Variants in PTPRT observed in about 807,000 individuals in gnomAD.
PTPRT encodes receptor-type tyrosine-protein phosphatase T.
PTPRT carries 56 observed loss-of-function variants against 176.8 expected under a neutral mutation model. The ratio of observed to expected loss-of-function variants is 0.32; its 90% CI spans 0.26 to 0.40. PTPRT has a LOEUF of 0.40. Among genes scored for constraint, PTPRT ranks in the 10% least tolerant of loss-of-function variants. The probability of loss-of-function intolerance (pLI) is 1.00; values close to 1 mark genes in which losing one functional copy is unlikely to be tolerated. For missense variants in PTPRT, 1,540 were observed against 1,908.2 expected, an observed-to-expected ratio of 0.81 and a Z score of 3.60; for synonymous variants, 783 against 739.0, an observed-to-expected ratio of 1.06 and a Z score of -0.96.
chr20:42,934,339 C>T (rs992832411), intron 1 of PTPRT, among the ~76,000 whole-genome samples: 3 of 152,172 alleles, frequency 2.0e-5, no homozygotes, highest in Admixed American at 6.5e-5. Context: ...AAATAGTTTT[C>T]AAACAAAGAA....
intron 16 of PTPRT, among the ~76,000 whole-genome samples, chr20:42,182,909 T>TGTGA (rs1990583240): frequency 1.3e-5 from 1 of 75,056 alleles, no homozygotes; most frequent in African/African-American, 9.9e-5. Flanking sequence ...CAAGCAGGGG[T>TGTGA]GTGTGTGTGT....
chr20:42,406,712 T>C (rs552891457), intron 9 of PTPRT, among the ~76,000 whole-genome samples: 1 of 152,228 alleles, frequency 6.6e-6, no homozygotes. Context: ...AGAGATAAAT[T>C]TTACCTATAA....
chr20:42,551,818 T>A (rs2072775981), intron 7 of PTPRT, among the ~76,000 whole-genome samples: 1 of 152,202 alleles, frequency 6.6e-6, no homozygotes, highest in Non-Finnish European at 1.5e-5. Context: ...TATACCCACA[T>A]CCTTGAGTAC....
intron 9 of PTPRT, among the ~76,000 whole-genome samples, chr20:42,440,958 C>T (rs2059311032): frequency 6.6e-6 from 1 of 152,184 alleles, no homozygotes; most frequent in African/African-American, 2.4e-5. Flanking sequence ...TGAAGCTCCC[C>T]TATGTTATGG....
intron 9 of PTPRT, among the ~76,000 whole-genome samples, chr20:42,372,400 C>T (rs2058598273): frequency 2.0e-5 from 3 of 150,130 alleles, no homozygotes; most frequent in African/African-American, 4.9e-5. Context: ...TCTCCTGTCT[C>T]GGCCTCCTAA....
chr20:42,066,037 C>CTTTTT, the PTPRT span, among the ~76,000 whole-genome samples: 8 of 124,210 alleles, frequency 6.4e-5, no homozygotes, highest in African/African-American at 2.1e-4. Flanking sequence ...TAGTATATTA[C>CTTTTT]TTTTTTTTTT....
At chr20:43,119,602 C>A (rs1382788231) in intron 1 of PTPRT, among the ~76,000 whole-genome samples, 1 of 152,174 alleles carries the variant, frequency 6.6e-6, no homozygotes, top group East Asian at 1.9e-4. Flanking sequence ...TCCCAAGGAG[C>A]ACAGATACAC....
At chr20:43,051,565 T>C (rs930864012) in intron 1 of PTPRT, among the ~76,000 whole-genome samples, 1 of 145,772 alleles carries the variant, frequency 6.9e-6, no homozygotes, top group Non-Finnish European at 1.5e-5. Context: ...ATCCACCCAT[T>C]TCAGGAAGCT....
intron 6 of PTPRT, among the ~76,000 whole-genome samples, chr20:42,746,443 G>A (rs2076692010): frequency 6.6e-6 from 1 of 152,140 alleles, no homozygotes; most frequent in Admixed American, 6.5e-5. Context: ...CACGCACTTT[G>A]TTTAGGAACA....
intron 1 of PTPRT, among the ~76,000 whole-genome samples, chr20:43,104,539 A>G (rs945844174): frequency 3.3e-5 from 5 of 152,222 alleles, no homozygotes; most frequent in African/African-American, 4.8e-5. Context: ...CTTGCAAGGT[A>G]ATAATATGGT....
Position 42,862,986 on chromosome 20 carries a change from T to C in PTPRT, c.214+22821A>G, listed in dbSNP as rs141079635. Among the ~76,000 whole-genome samples the C allele has an allele frequency of 1.7e-3, 262 of 152,338 alleles. 1 individual carries two copies. The East Asian group carries it at 0.021, about 12-fold the overall frequency. On this transcript the variant is annotated intron_variant, in intron 2 of 30. Transcript: ENST00000373187. Reference sequence around the variant, plus strand: ...GCTGTCAAAGCATATGCACTTCTACTATCTTGATGGCTTCTTACACTAATG... The same window carrying C: ...GCTGTCAAAGCATATGCACTTCTACCATCTTGATGGCTTCTTACACTAATG...
chr20:43,008,068 C>T (rs905546663), intron 1 of PTPRT, among the ~76,000 whole-genome samples: 5 of 152,204 alleles, frequency 3.3e-5, no homozygotes, highest in African/African-American at 1.2e-4. Context: ...TAAGGATTCA[C>T]TCTTTAAAGA....
intron 11 of PTPRT, among the ~76,000 whole-genome samples, chr20:42,323,293 A>G (rs1600835008): frequency 6.6e-6 from 1 of 152,314 alleles, no homozygotes; most frequent in African/African-American, 2.4e-5. Context: ...TCATGCTGCT[A>G]TAAAGACACA....
At chr20:42,832,711 A>AAAG (rs1374206686) in intron 2 of PTPRT, among the ~76,000 whole-genome samples, 1 of 151,054 alleles carries the variant, frequency 6.6e-6, no homozygotes, top group Non-Finnish European at 1.5e-5. Context: ...AAAAAAAAAA[A>AAAG]AAGAAGAAGA....
chr20:42,099,162 C>A (rs1985606262), intron 26 of PTPRT, among the ~76,000 whole-genome samples: 1 of 152,032 alleles, frequency 6.6e-6, no homozygotes, highest in Admixed American at 6.5e-5. Context: ...ATCTGTCCAT[C>A]CATTTGCCCA....
chr20:42,424,295 A>G (rs1215800535), intron 9 of PTPRT, among the ~76,000 whole-genome samples: 1 of 152,116 alleles, frequency 6.6e-6, no homozygotes, highest in Non-Finnish European at 1.5e-5. Context: ...AAATACTCCC[A>G]ATTTACTGAC....
At chr20:42,354,646 T>C (rs943521180) in intron 9 of PTPRT, among the ~76,000 whole-genome samples, 6 of 152,220 alleles carry the variant, frequency 3.9e-5, no homozygotes, top group Non-Finnish European at 7.3e-5. Context: ...CTCAAGTGAC[T>C]TCCATTCTTG....
chr20:42,899,564 T>TCTCAAACG (rs2145911151), intron 1 of PTPRT, among the ~76,000 whole-genome samples: 1 of 152,342 alleles, frequency 6.6e-6, no homozygotes, highest in East Asian at 1.9e-4. Context: ...CGAGGCTGTT[T>TCTCAAACG]CTCAAACGCT....
At chr20:42,676,620 G>A (rs988339637) in intron 7 of PTPRT, among the ~76,000 whole-genome samples, 1 of 152,072 alleles carries the variant, frequency 6.6e-6, no homozygotes, top group Admixed American at 6.6e-5. Flanking sequence ...AAATCTAAGT[G>A]TAATTCCTGA....
Sources: gnomAD v4.1 joint callset for allele counts (sites outside exome capture counted in the v4.1 genomes callset) on GRCh38, gnomAD v4.1.1 for gene constraint, MANE v1.5 for transcripts, NCBI Gene and HGNC (gene_info 2026-07-23, HGNC 2026-07-21) for gene names.